NCOR2: variants seen among roughly 807,000 people sequenced by gnomAD.
The protein encoded by NCOR2 is nuclear receptor corepressor 2.
NCOR2 carries 81 observed loss-of-function variants against 262.9 expected under a neutral mutation model. The observed-to-expected ratio is 0.31, with a 90% CI of 0.26 to 0.37. The LOEUF is 0.37. NCOR2 is among the 10% of genes least tolerant of loss of function. The pLI, the probability that NCOR2 is intolerant of heterozygous loss-of-function variation, is 1.00. For missense variants in NCOR2, 3,385 were observed against 3,621.4 expected (o/e 0.93, Z 1.68); for synonymous variants, 1,659 against 1,559.3 (o/e 1.06, Z -1.51).
chr12:124,535,908 G>A (rs1405538304), upstream of NCOR2, among the ~76,000 whole-genome samples: 1 of 151,904 alleles, frequency 6.6e-6, no homozygotes, highest in Non-Finnish European at 1.5e-5. Context: ...ACCCTGGCAA[G>A]ACCACCGAGG....
At chr12:124,461,920 C>G (rs1464292175) in intron 5 of NCOR2, among the ~76,000 whole-genome samples, 1 of 152,212 alleles carries the variant, frequency 6.6e-6, no homozygotes, top group East Asian at 1.9e-4. Flanking sequence ...CAGATAACCA[C>G]AGGCCCCACA....
chr12:124,457,059 G>GCCCCCCC lies in NCOR2; in HGVS notation c.762+46_762+47insGGGGGGG. Reference sequence around the variant, plus strand: ...TCCCGCCTCCCTGCCCACCTCTCCAGCCACCCCCGCCCTCCCCTGAGCCCC... The same window carrying GCCCCCCC: ...TCCCGCCTCCCTGCCCACCTCTCCAGCCCCCCCCCACCCCCGCCCTCCCCTGAGCCCC... On this transcript the variant is annotated intron_variant, in intron 6 of 46. Transcript: ENST00000405201. This position sits in a 1 kb window ranked among gnomAD's most constrained non-coding sequence, Gnocchi z 4.0. The GCCCCCCC allele has an allele frequency of 3.4e-6, 2 of 594,426 alleles. No homozygotes were observed. Among genetic ancestry groups the GCCCCCCC allele is most frequent in the Non-Finnish European group, 5.3e-6 (2 of 377,726 alleles). 36.8% of individuals were successfully genotyped at this position (594,426 alleles called of 1,614,324 possible). A position where few individuals can be genotyped will look rare whatever the true frequency, so the allele number is the denominator to read the frequency against.
Position 124,376,416 on chromosome 12 carries a change from C to CTGGA in NCOR2, c.2167+1817_2167+1820dup, listed in dbSNP as rs544100586. Among the ~76,000 whole-genome samples, 79 of 152,346 alleles carry CTGGA rather than the reference C, an allele frequency of 5.2e-4. 1 individual carries two copies. Among genetic ancestry groups the CTGGA allele is most frequent in the African/African-American group, 1.8e-3 (74 of 41,578 alleles). On this transcript the variant is annotated intron_variant, in intron 18 of 46. Coordinates refer to ENST00000405201, the Ensembl canonical transcript of NCOR2. ...AGCCTGCATCCCGCCCATTCAGACA[C>CTGGA]TGGAGGGATATTTACAGAGGGGACT...
At chr12:124,338,357 A>T (rs2036068216) in intron 37 of NCOR2, among the ~76,000 whole-genome samples, 1 of 152,058 alleles carries the variant, frequency 6.6e-6, no homozygotes, top group South Asian at 2.1e-4. Flanking sequence ...AAAATATAAA[A>T]ATTAGCCGGG....
chr12:124,384,709 A>G (rs1020322835), intron 17 of NCOR2, among the ~76,000 whole-genome samples: 7 of 152,152 alleles, frequency 4.6e-5, no homozygotes, highest in Admixed American at 6.5e-5. Context: ...TCTGGGCCTC[A>G]GCAGGTTGCA....
chr12:124,409,959 A>G (rs569088967), intron 13 of NCOR2, among the ~76,000 whole-genome samples: 31 of 151,830 alleles, frequency 2.0e-4, no homozygotes, highest in Non-Finnish European at 3.8e-4. Context: ...GATTACAGGC[A>G]TGAGCCACCG....
At position 124,386,342 on chromosome 12, in the gene NCOR2, G is replaced by A. The variant is rs544016831; in HGVS notation, c.1877-455C>T. Among the ~76,000 whole-genome samples, 225 of 152,182 alleles carry A rather than the reference G, an allele frequency of 1.5e-3. No individual in the cohort carries two copies. In the Middle Eastern group the frequency reaches 0.02, roughly 14 times the overall value. ...AGCTGCAGGCGAGGCCTCGGGAGAC[G>A]GGTTGTTTTCCGGCCACACCGGCCC... On this transcript the variant is annotated intron_variant, in intron 16 of 46. Coordinates refer to ENST00000405201, the Ensembl canonical transcript of NCOR2.
At chr12:124,348,839 G>GC in intron 28 of NCOR2, 1 of 161,192 alleles carries the variant, frequency 6.2e-6, no homozygotes, top group South Asian at 1.8e-4. Flanking sequence ...GCAGGAGCAC[G>GC]CGTGTGCACC....
chr12:124,333,953 C>CGT (rs59660036), intron 41 of NCOR2, among the ~76,000 whole-genome samples: 15 of 112,678 alleles, frequency 1.3e-4, no homozygotes, highest in African/African-American at 2.2e-4. Context: ...TGGGTGTGCA[C>CGT]GTGTGTGTGT....
chr12:124,424,620 A>G (rs2043425893), intron 11 of NCOR2, among the ~76,000 whole-genome samples: 1 of 152,102 alleles, frequency 6.6e-6, no homozygotes, highest in African/African-American at 2.4e-5. Flanking sequence ...GTCCTTTCTG[A>G]GTTCGGTATC....
At chr12:124,402,343 C>T (rs537160608) in intron 14 of NCOR2, 61 bp downstream of exon 16, 3 of 1,602,934 alleles carry the variant, frequency 1.9e-6, no homozygotes, top group Non-Finnish European at 2.6e-6. Context: ...TCCCCCAGAA[C>T]CGTGTGCCAC....
At chr12:124,564,796 G>A (rs1375604520) in intron 1 of NCOR2, among the ~76,000 whole-genome samples, 1 of 152,056 alleles carries the variant, frequency 6.6e-6, no homozygotes, top group Non-Finnish European at 1.5e-5. Context: ...TCAGCCAGGG[G>A]GAAACGGGGC....
At chr12:124,521,715 G>A (rs546514395) in intron 1 of NCOR2, among the ~76,000 whole-genome samples, 1 of 152,282 alleles carries the variant, frequency 6.6e-6, no homozygotes, top group African/African-American at 2.4e-5. Flanking sequence ...AAGAACTCAT[G>A]AACTGTTCAT....
At chr12:124,400,937 G>A (rs2041957289) in intron 14 of NCOR2, among the ~76,000 whole-genome samples, 1 of 152,274 alleles carries the variant, frequency 6.6e-6, no homozygotes, top group Non-Finnish European at 1.5e-5. Flanking sequence ...AGGTGTGCTG[G>A]GTCACACCTG....
intron 22 of NCOR2, among the ~76,000 whole-genome samples, chr12:124,360,621 C>T (rs1490702690): frequency 6.6e-6 from 1 of 152,178 alleles, no homozygotes; most frequent in African/African-American, 2.4e-5. Flanking sequence ...TGAGAGGCCC[C>T]ACACAATCCG....
rs188425268 is a variant in NCOR2 at position 124,461,249 on chromosome 12, C to T, written c.706-4087G>A. Among the ~76,000 whole-genome samples the T allele has an allele frequency of 2.2e-3, 334 of 152,334 alleles. 2 individuals carry two copies. The highest frequency in any genetic ancestry group is 7.3e-3 in the African/African-American group (303 of 41,576). On this transcript the variant is annotated intron_variant, in intron 5 of 46. Transcript: ENST00000405201. ...CTCTGATCGTGGTGGGTGGGGCTGA[C>T]GCCGCAGGGGAGGTGGCCAAGCCTG...
chr12:124,489,195 T>G (rs1371987483), intron 1 of NCOR2, among the ~76,000 whole-genome samples: 1 of 152,010 alleles, frequency 6.6e-6, no homozygotes, highest in Non-Finnish European at 1.5e-5. Context: ...ACGCCCAGGC[T>G]GGAAACCACC....
In NCOR2 at chr12:124,414,609, G is replaced by A. The variant is rs2042761691; in HGVS notation, c.1482+5348C>T. 3.3e-5 allele frequency among the ~76,000 whole-genome samples: 5 copies of A among 152,206 alleles called. No homozygotes were observed. In the South Asian group the frequency reaches 1.0e-3, roughly 32 times the overall value. On this transcript the variant is annotated intron_variant, in intron 13 of 46. Transcript: ENST00000405201. ...AAAACTAGAGGGCCCAGGAAGGGAGGGAGAACCCGACCTGCTGCCCTCCAG... is the reference window on the plus strand; with the variant it reads ...AAAACTAGAGGGCCCAGGAAGGGAGAGAGAACCCGACCTGCTGCCCTCCAG...
intron 7 of NCOR2, among the ~76,000 whole-genome samples, chr12:124,448,850 G>A (rs963485790): frequency 2.6e-5 from 4 of 152,152 alleles, no homozygotes; most frequent in Admixed American, 6.5e-5. Context: ...ATCGGACCGG[G>A]CTGAACTACC....
Sources: allele counts gnomAD v4.1 joint callset (sites outside exome capture counted in the v4.1 genomes callset), GRCh38; gene constraint gnomAD v4.1.1; non-coding constraint Gnocchi (gnomAD v3.1); transcripts MANE v1.5; gene names NCBI Gene and HGNC (gene_info 2026-07-23, HGNC 2026-07-21).